NME7: variants seen among roughly 807,000 people sequenced by gnomAD.
The protein encoded by NME7 is nucleoside diphosphate kinase 7.
A neutral mutation model predicts 49.1 loss-of-function variants in NME7; 41 were observed. That is an observed-to-expected ratio of 0.83 (90% CI 0.65 to 1.08). NME7 has a LOEUF of 1.08. Ranked by LOEUF, NME7 falls within the 50% of genes least tolerant of loss-of-function variation. The pLI, the probability that NME7 is intolerant of heterozygous loss-of-function variation, is 0.00. For missense variants in NME7, 423 were observed against 463.4 expected (o/e 0.91, Z 0.80); for synonymous variants, 139 against 150.6 (o/e 0.92, Z 0.56).
intron 11 of NME7, among the ~76,000 whole-genome samples, chr1:169,160,122 T>G (rs1659202429): frequency 6.6e-6 from 1 of 152,152 alleles, no homozygotes; most frequent in South Asian, 2.1e-4. Context: ...ACACAGCTCT[T>G]TCCCTGTTAT....
chr1:169,296,156 C>CA (rs1460619108), intron 6 of NME7, among the ~76,000 whole-genome samples: 4 of 151,378 alleles, frequency 2.6e-5, no homozygotes, highest in Admixed American at 6.6e-5. Context: ...AAAAACTCCT[C>CA]AAAAAAAAAG....
At chr1:169,296,352 C>A (rs1344481567) in intron 6 of NME7, among the ~76,000 whole-genome samples, 1 of 152,172 alleles carries the variant, frequency 6.6e-6, no homozygotes, top group African/African-American at 2.4e-5. Flanking sequence ...CACCACTGGT[C>A]ATTCTCTCAT....
At chr1:169,310,209 G>A in intron 3 of NME7, 129 bp from the exon 4 acceptor site, 1 of 588,054 alleles carries the variant, frequency 1.7e-6, no homozygotes, top group Non-Finnish European at 2.9e-6. Context: ...GTATAGAAAA[G>A]TGTATTAAAG....
Position 169,307,424 on chromosome 1 carries a change from T to C in NME7, c.389+2546A>G, listed in dbSNP as rs549448626. On this transcript the variant is annotated intron_variant, in intron 4 of 11. Coordinates refer to ENST00000367811, the MANE Select transcript of NME7 (RefSeq NM_013330.5). Reference sequence around the variant, plus strand: ...GTGCATAACTACAAATGAACAGGTGTGTCAACAAGTAATTAGAAGGGCTTG... The same window carrying C: ...GTGCATAACTACAAATGAACAGGTGCGTCAACAAGTAATTAGAAGGGCTTG... Among the ~76,000 whole-genome samples the C allele has an allele frequency of 5.9e-5, 9 of 152,276 alleles. No individual in the cohort carries two copies. The South Asian group carries it at 1.9e-3, about 32-fold the overall frequency.
chr1:169,227,233 C>T (rs1251699388), intron 10 of NME7, among the ~76,000 whole-genome samples: 2 of 152,190 alleles, frequency 1.3e-5, no homozygotes, highest in East Asian at 3.9e-4. Context: ...ATTCCTTGCG[C>T]TGAACATTAG....
chr1:169,323,038 C>T, intron 3 of NME7, 79 bp downstream of exon 3: 1 of 1,193,360 alleles, frequency 8.4e-7, no homozygotes, highest in Non-Finnish European at 1.1e-6. Context: ...CATATGGTTA[C>T]ATACTCCCAG....
At chr1:169,330,663 G>C (rs1485419016) in intron 1 of NME7, among the ~76,000 whole-genome samples, 1 of 152,046 alleles carries the variant, frequency 6.6e-6, no homozygotes, top group Non-Finnish European at 1.5e-5. Context: ...TGGTGACAGA[G>C]CAAGACTCTG....
At chr1:169,234,693 G>A (rs1647785190) in intron 9 of NME7, among the ~76,000 whole-genome samples, 1 of 152,038 alleles carries the variant, frequency 6.6e-6, no homozygotes, top group Non-Finnish European at 1.5e-5. Flanking sequence ...GAAGATTTAA[G>A]ATCTGAACCT....
intron 10 of NME7, among the ~76,000 whole-genome samples, chr1:169,227,119 GA>G (rs546720631): frequency 2.0e-5 from 3 of 151,752 alleles, no homozygotes; most frequent in Non-Finnish European, 4.4e-5. Flanking sequence ...TAAATACTTA[GA>G]AAAAAAATGG....
chr1:169,210,558 A>G (rs1660782364), intron 10 of NME7, among the ~76,000 whole-genome samples: 1 of 151,672 alleles, frequency 6.6e-6, no homozygotes, highest in Non-Finnish European at 1.5e-5. Flanking sequence ...GTAGTTTCAG[A>G]TGCTCTAGAA....
At chr1:169,355,393 C>T (rs1390477667) in intron 1 of NME7, among the ~76,000 whole-genome samples, 4 of 128,354 alleles carry the variant, frequency 3.1e-5, no homozygotes, top group Non-Finnish European at 6.4e-5. Context: ...CACACACACA[C>T]ATATACCTGC....
intron 7 of NME7, among the ~76,000 whole-genome samples, chr1:169,279,819 C>CG (rs2101886649): frequency 6.6e-6 from 1 of 152,246 alleles, no homozygotes; most frequent in African/African-American, 2.4e-5. Context: ...TGTTCCTATT[C>CG]GGCCATCTTG....
At position 169,323,203 on chromosome 1, in the gene NME7, G is replaced by C. The variant is rs775653422; in HGVS notation, c.192C>G (p.Asn64Lys). 22 of 1,607,432 alleles carry C rather than the reference G, an allele frequency of 1.4e-5. No homozygotes were observed. The highest frequency in any genetic ancestry group is 3.4e-5 in the Admixed American group (2 of 58,980). Reference sequence around the variant, plus strand: ...GTTGTCGAGAAAAGACATTCACTTTGTTGCCTATAAATAAATCTTCCAAGT... The same window carrying C: ...GTTGTCGAGAAAAGACATTCACTTTCTTGCCTATAAATAAATCTTCCAAGT... ...NLHLEDLFIG[N>K]KVNVFSRQLV... The change falls in exon 3 of 12, where the codon AAC (asparagine) becomes AAG (lysine). Residue 64 changes from asparagine to lysine, a missense_variant. Coordinates refer to ENST00000367811, the MANE Select transcript of NME7 (RefSeq NM_013330.5).
At chr1:169,324,296 A>C in intron 2 of NME7, 97 bp downstream of exon 2, 1 of 678,660 alleles carries the variant, frequency 1.5e-6, no homozygotes, top group Non-Finnish European at 2.6e-6. Context: ...ACACACACAT[A>C]CATATAAATG....
intron 11 of NME7, among the ~76,000 whole-genome samples, chr1:169,158,036 A>AAAGTCTG (rs1659129494): frequency 6.6e-6 from 1 of 152,260 alleles, no homozygotes; most frequent in Non-Finnish European, 1.5e-5. Flanking sequence ...TTCTTTTACA[A>AAAGTCTG]GTTTTAAAAA....
intron 7 of NME7, chr1:169,285,419 T>C (rs945230502): frequency 2.0e-5 from 3 of 152,154 alleles, no homozygotes; most frequent in South Asian, 2.1e-4. Context: ...TTTTTTTCCA[T>C]AAATTTTCAA....
chr1:169,352,370 ATTCAACATCCC>A (rs1653209514), intron 1 of NME7, among the ~76,000 whole-genome samples: 1 of 152,150 alleles, frequency 6.6e-6, no homozygotes, highest in African/African-American at 2.4e-5. Context: ...ATTTGATAAA[ATTCAACATCCC>A]TTCTTGTTAA....
rs1467927222 is a variant in NME7, at chr1:169,303,137, G to C, written c.440+8C>G. On this transcript the variant is annotated splice_region_variant and intron_variant, in intron 5 of 11. Transcript: ENST00000367811. ...TACATACCACTAATCCCCAAATTAA[G>C]GACCTACTTGAAAAAGGGTCTTGAC... 1 of 1,555,300 alleles carries C rather than the reference G, an allele frequency of 6.4e-7. No individual in the cohort carries two copies. Among genetic ancestry groups the C allele is most frequent in the African/African-American group, 1.4e-5 (1 of 72,304 alleles).
intron 7 of NME7, among the ~76,000 whole-genome samples, chr1:169,254,737 G>C (rs1558009618): frequency 6.9e-6 from 1 of 144,856 alleles, no homozygotes; most frequent in Non-Finnish European, 1.5e-5. Context: ...TGCTTCGAAT[G>C]TGTCCCAGAG....
Sources: allele counts gnomAD v4.1 joint callset (sites outside exome capture counted in the v4.1 genomes callset), GRCh38; gene constraint gnomAD v4.1.1; transcripts MANE v1.5; gene names NCBI Gene and HGNC (gene_info 2026-07-23, HGNC 2026-07-21).